Variants in CR1 observed in about 807,000 individuals in gnomAD.
CR1 encodes the protein complement receptor type 1.
A neutral mutation model predicts 187.3 loss-of-function variants in CR1; 116 were observed. The ratio of observed to expected loss-of-function variants is 0.62; its 90% CI spans 0.53 to 0.72. The LOEUF is 0.72. Among genes scored for constraint, CR1 ranks in the 30% least tolerant of loss-of-function variants. The pLI is 0.00. For missense variants in CR1, 1,731 were observed against 2,110.7 expected (o/e 0.82, Z 3.52); for synonymous variants, 576 against 747.1 (o/e 0.77, Z 3.73).
chr1:207,504,529 C>G (rs1659370297), intron 1 of CR1, among the ~76,000 whole-genome samples: 1 of 151,504 alleles, frequency 6.6e-6, no homozygotes, highest in Non-Finnish European at 1.5e-5. Context: ...AGTACTCCCC[C>G]CAAAATCAGT....
Position 207,577,783 on chromosome 1 carries a change from TAA to T in CR1, c.4538-21_4538-20del. The T allele has an allele frequency of 6.2e-7, 1 of 1,613,164 alleles. No homozygotes were observed. The highest frequency in any genetic ancestry group is 8.5e-7 in the Non-Finnish European group (1 of 1,179,594). ...CTCTGTCCCAAGGTTTTGTTTTGGT[TAA>T]CTTGCTGTCTCTTTTCCAGGAATTC... On this transcript the variant is annotated intron_variant, in intron 28 of 46. Coordinates refer to ENST00000367049, the MANE Select transcript of CR1 (RefSeq NM_000651.6).
intron 32 of CR1, among the ~76,000 whole-genome samples, chr1:207,582,775 C>T (rs1310487698): frequency 6.6e-6 from 1 of 152,062 alleles, no homozygotes; most frequent in Non-Finnish European, 1.5e-5. Context: ...TGATGGTTAG[C>T]TTAGATAGAG....
chr1:207,511,293 A>G lies in CR1; in HGVS notation c.402-276A>G, dbSNP rs1373541290. On this transcript the variant is annotated intron_variant, in intron 3 of 46. Coordinates refer to ENST00000367049, the MANE Select transcript of CR1 (RefSeq NM_000651.6). ...ACTTTGTGCTATCTTTTAAAAAATGAAATTTATAGGAAAAACTACAATTCA... is the reference window on the plus strand; with the variant it reads ...ACTTTGTGCTATCTTTTAAAAAATGGAATTTATAGGAAAAACTACAATTCA... 2.0e-5 allele frequency among the ~76,000 whole-genome samples: 3 copies of G among 152,234 alleles called. No homozygotes were observed. In the East Asian group the frequency reaches 5.8e-4, roughly 29 times the overall value.
In CR1 at chr1:207,496,320, G is replaced by T. The variant is rs1197723622; in HGVS notation, c.53G>T (p.Gly18Val). ...SPEPVGPPAP[G>V]LPFCCGGSLL... ...GAGCCTGTCGGGCCGCCGGCGCCCG[G>T]TCTCCCCTTCTGCTGCGGAGGATCC... The change falls in exon 1 of 47, where the codon GGT (glycine) becomes GTT (valine). Residue 18 changes from glycine (G) to valine (V), a missense_variant. Gly to Val is a moderately radical substitution (Grantham distance 109). Transcript: ENST00000367049. The T allele has an allele frequency of 9.3e-6, 15 of 1,613,476 alleles. No individual in the cohort carries two copies. Among genetic ancestry groups the T allele is most frequent in the Non-Finnish European group, 1.2e-5 (14 of 1,179,838 alleles).
intron 35 of CR1, among the ~76,000 whole-genome samples, chr1:207,599,477 A>G (rs566141701): frequency 6.6e-6 from 1 of 152,356 alleles, no homozygotes; most frequent in South Asian, 2.1e-4. Context: ...ATATCTTCTT[A>G]GCTACTAATC....
chr1:207,607,706 A>T (rs1033652365), intron 36 of CR1, among the ~76,000 whole-genome samples: 8 of 152,162 alleles, frequency 5.3e-5, no homozygotes, highest in African/African-American at 9.7e-5. Context: ...TTGTTATTCT[A>T]ATCCAAATAA....
intron 42 of CR1, among the ~76,000 whole-genome samples, chr1:207,619,088 T>G (rs1344514939): frequency 7.2e-6 from 1 of 138,310 alleles, no homozygotes; most frequent in East Asian, 2.2e-4. Context: ...ATTAGAAAGA[T>G]GTATTAAATT....
intron 45 of CR1, among the ~76,000 whole-genome samples, chr1:207,626,004 G>C (rs1418407965): frequency 6.6e-6 from 1 of 152,096 alleles, no homozygotes; most frequent in Non-Finnish European, 1.5e-5. Context: ...CTTTCATTAG[G>C]TTTCAGGTCC....
At chr1:207,518,300 T>G (rs533265743) in intron 4 of CR1, among the ~76,000 whole-genome samples, 1 of 152,374 alleles carries the variant, frequency 6.6e-6, no homozygotes, top group African/African-American at 2.4e-5. Flanking sequence ...CATGGTTTAT[T>G]GCCCAGAATA....
chr1:207,505,573 C>T (rs536636786), intron 1 of CR1, among the ~76,000 whole-genome samples: 1 of 152,108 alleles, frequency 6.6e-6, no homozygotes, highest in Non-Finnish European at 1.5e-5. Context: ...CGGTGGCTCA[C>T]TCCTGTAATC....
intron 45 of CR1, among the ~76,000 whole-genome samples, chr1:207,624,406 T>C (rs1474733692): frequency 2.0e-5 from 3 of 152,194 alleles, no homozygotes; most frequent in Non-Finnish European, 2.9e-5. Context: ...GCAAGTTCTA[T>C]ACCCATAGAA....
At chr1:207,593,014 A>G (rs1177062392) in intron 35 of CR1, among the ~76,000 whole-genome samples, 2 of 148,636 alleles carry the variant, frequency 1.3e-5, no homozygotes, top group Non-Finnish European at 3.0e-5. Context: ...AAATGGCCAT[A>G]CTGCCCAAGG....
At chr1:207,507,895 G>T (rs1659493309) in intron 3 of CR1, among the ~76,000 whole-genome samples, 1 of 152,018 alleles carries the variant, frequency 6.6e-6, no homozygotes, top group Admixed American at 6.6e-5. Context: ...ATGTCCTTTA[G>T]CAAGGGAATG....
In CR1 at chr1:207,619,919, C is replaced by T. The variant is rs376743575; in HGVS notation, c.7106C>T (p.Ser2369Leu). Reference protein sequence around the residue: ...CSFPLFMNGISKELEMKKVYH... With the variant: ...CSFPLFMNGILKELEMKKVYH... The stretch of plus-strand genomic sequence containing the variant: ...TTCCCACTGTTTATGAATGGAATCT[C>T]GAAGGAGTTAGAAATGAAAAAAGTA... Residue 2369 changes from serine to leucine, a missense_variant, in exon 43 of 47, where the codon TCG becomes TTG. Ser to Leu is a moderately radical substitution (Grantham distance 145). Around this residue, in one of 5 missense-constraint regions of CR1, gnomAD observed 1,312 missense variants for 1,379.6 expected, o/e 0.95. Transcript: ENST00000367049. The T allele has an allele frequency of 9.4e-6, 15 of 1,600,610 alleles. No homozygotes were observed. Among genetic ancestry groups the T allele is most frequent in the Middle Eastern group, 1.7e-4 (1 of 6,018 alleles).
chr1:207,614,103 T>C (rs1662022428), intron 39 of CR1, among the ~76,000 whole-genome samples: 1 of 152,216 alleles, frequency 6.6e-6, no homozygotes, highest in Admixed American at 6.5e-5. Flanking sequence ...TCTGTGTTCA[T>C]GCCTTCTGTA....
intron 4 of CR1, among the ~76,000 whole-genome samples, chr1:207,521,676 A>G (rs1450238874): frequency 9.2e-6 from 1 of 108,344 alleles, no homozygotes; most frequent in Admixed American, 1.4e-4. Context: ...TTTGTTGCCC[A>G]GGTTGGAGCA....
At chr1:207,612,778 CACAGGA>C (rs1165726526) in intron 39 of CR1, among the ~76,000 whole-genome samples, 7 of 152,252 alleles carry the variant, frequency 4.6e-5, no homozygotes, top group Non-Finnish European at 1.0e-4. Flanking sequence ...CAAGCACCTG[CACAGGA>C]ATGGGCTCTG....
intron 25 of CR1, 101 bp downstream of exon 25, chr1:207,568,143 A>G (rs1269861015): frequency 2.5e-6 from 4 of 1,596,838 alleles, no homozygotes; most frequent in Non-Finnish European, 2.6e-6. Flanking sequence ...GTATGTATGC[A>G]TTTGCCACAA....
intron 45 of CR1, among the ~76,000 whole-genome samples, chr1:207,626,425 A>T (rs1157929855): frequency 1.3e-5 from 2 of 152,168 alleles, no homozygotes; most frequent in Non-Finnish European, 2.9e-5. Flanking sequence ...CTATGTGAGG[A>T]GGGCTGATTA....
Sources: allele counts gnomAD v4.1 joint callset (sites outside exome capture counted in the v4.1 genomes callset), GRCh38; gene constraint gnomAD v4.1.1; regional missense constraint gnomAD v4.1.1; transcripts MANE v1.5; gene names NCBI Gene and HGNC (gene_info 2026-07-23, HGNC 2026-07-21).